Variants in MYH1 observed in about 807,000 individuals in gnomAD.
MYH1 encodes myosin heavy chain 1.
A neutral mutation model predicts 225.6 loss-of-function variants in MYH1; 214 were observed. That is an observed-to-expected ratio of 0.95 (90% CI 0.85 to 1.06). The LOEUF (loss-of-function observed/expected upper bound fraction) is 1.06. Ranked by LOEUF, MYH1 falls within the 50% of genes least tolerant of loss-of-function variation. MYH1 has a pLI of 0.00. For missense variants in MYH1, 2,098 were observed against 2,344.2 expected, an observed-to-expected ratio of 0.89 and a Z score of 2.17; for synonymous variants, 774 against 842.3, an observed-to-expected ratio of 0.92 and a Z score of 1.40.
intron 5 of MYH1, 58 bp downstream of exon 5, chr17:10,515,868 A>T: frequency 6.2e-7 from 1 of 1,612,296 alleles, no homozygotes. Flanking sequence ...TTTAGTTCTA[A>T]TATTTTGTGA....
In MYH1 at chr17:10,505,594, A is replaced by C; in HGVS notation, c.2175-83T>G. ...GTCTGGCTATAGAAACAACATAGCCACTGGGTAATCTGAAATAAACAAGAA... is the reference window on the plus strand; with the variant it reads ...GTCTGGCTATAGAAACAACATAGCCCCTGGGTAATCTGAAATAAACAAGAA... On this transcript the variant is annotated intron_variant, in intron 19 of 39. Coordinates refer to ENST00000226207, the MANE Select transcript of MYH1 (RefSeq NM_005963.4). 2.0e-6 allele frequency: 3 copies of C among 1,516,976 alleles called. No homozygotes were observed. In the South Asian group the frequency reaches 3.7e-5, roughly 19 times the overall value. The allele number at this position is 1,516,976 out of a possible 1,614,324, so 94.0% of individuals were successfully genotyped here.
At chr17:10,500,776 G>T (rs199688013) in intron 27 of MYH1, 24 bp from the exon 28 acceptor site, 4 of 1,613,854 alleles carry the variant, frequency 2.5e-6, no homozygotes, top group African/African-American at 1.3e-5. Flanking sequence ...GTGGTAGAAG[G>T]CATCTCAAGT....
At chr17:10,508,330 A>G (rs371567678) in intron 16 of MYH1, 33 bp downstream of exon 16, 239 of 1,556,996 alleles carry the variant, frequency 1.5e-4, no homozygotes, top group Non-Finnish European at 2.0e-4. Flanking sequence ...TGTTTTATAC[A>G]TTAGGTAAAA....
chr17:10,516,599 G>C lies in MYH1; in HGVS notation c.44C>G (p.Pro15Arg). Residue 15 changes from proline (P) to arginine (R), a missense_variant, in exon 3 of 40, where the codon CCT (proline) becomes CGT (arginine). By Grantham distance (103) the Pro-to-Arg change is moderately radical. Transcript: ENST00000226207. ...SEMAIFGEAAPFLRKSERERI... is the reference protein window; with the variant it reads ...SEMAIFGEAARFLRKSERERI... ...CTCCCTTTCAGACTTTCGGAGGAAAGGAGCAGCCTCCCCAAAAATGGCCAT... is the reference window on the plus strand; with the variant it reads ...CTCCCTTTCAGACTTTCGGAGGAAACGAGCAGCCTCCCCAAAAATGGCCAT... 6.2e-7 allele frequency: 1 copy of C among 1,614,186 alleles called. No homozygotes were observed. The highest frequency in any genetic ancestry group is 8.5e-7 in the Non-Finnish European group (1 of 1,180,042).
intron 5 of MYH1, among the ~76,000 whole-genome samples, 177 bp downstream of exon 5, chr17:10,515,748 AG>A (rs1232149275): frequency 6.6e-6 from 1 of 152,228 alleles, no homozygotes; most frequent in African/African-American, 2.4e-5. Flanking sequence ...AGGTGTAATC[AG>A]GAGAGCTGTG....
rs781626647 is a variant in MYH1 at position 10,506,043 on chromosome 17, C to T, written c.2025G>A (p.Arg675=). ...NLRSTHPHFV[R]CIIPNETKTP... is the part of the protein sequence containing the mutation. ...TTTTAGTTTCATTGGGGATGATGCACCGCACAAAGTGGGGGTGAGTGCTCC... is the reference window on the plus strand; with the variant it reads ...TTTTAGTTTCATTGGGGATGATGCATCGCACAAAGTGGGGGTGAGTGCTCC... Residue 675 remains arginine, a synonymous_variant, in exon 18 of 40, where the codon CGG becomes CGA. Coordinates refer to ENST00000226207, the MANE Select transcript of MYH1 (RefSeq NM_005963.4). 6 of 1,614,090 alleles carry T rather than the reference C, an allele frequency of 3.7e-6. No individual in the cohort carries two copies. In the African/African-American group the frequency reaches 4.0e-5, roughly 11 times the overall value.
intron 22 of MYH1, among the ~76,000 whole-genome samples, chr17:10,503,896 T>C (rs1003633513): frequency 1.3e-5 from 2 of 152,216 alleles, no homozygotes; most frequent in Non-Finnish European, 2.9e-5. Context: ...CTTGGATAGA[T>C]TATCTCCTGT....
Position 10,513,999 on chromosome 17 carries a change from A to G in MYH1, c.648+11T>C, listed in dbSNP as rs779223067. 4.3e-6 allele frequency: 7 copies of G among 1,613,760 alleles called. No individual in the cohort carries two copies. The South Asian group carries it at 5.5e-5, about 13-fold the overall frequency. On this transcript the variant is annotated intron_variant, in intron 7 of 39. Coordinates refer to ENST00000226207, the MANE Select transcript of MYH1 (RefSeq NM_005963.4). ...GACAGAGCCTGGATTCTGACTAACA[A>G]TCAGACTCACCTGCATTTTGCCAGA... is the stretch of plus-strand genomic sequence containing the variant.
intron 2 of MYH1, among the ~76,000 whole-genome samples, chr17:10,517,767 A>G (rs9892643): frequency 0.031 from 4,688 of 152,222 alleles, 240 homozygotes; most frequent in African/African-American, 0.1. Flanking sequence ...ATTGTGAAAC[A>G]ACATGCAGTT....
chr17:10,510,904 T>G (rs1480501637), intron 14 of MYH1, among the ~76,000 whole-genome samples: 1 of 151,634 alleles, frequency 6.6e-6, no homozygotes, highest in Non-Finnish European at 1.5e-5. Flanking sequence ...TTTAAATAGG[T>G]GAATTGTATG....
intron 7 of MYH1, 45 bp from the exon 8 acceptor site, chr17:10,513,958 C>G (rs1445403979): frequency 6.2e-7 from 1 of 1,613,824 alleles, no homozygotes; most frequent in Non-Finnish European, 8.5e-7. Flanking sequence ...TTGGGAATTT[C>G]CTACCTGAGA....
At chr17:10,498,562 G>C in intron 30 of MYH1, 64 bp downstream of exon 30, 1 of 1,604,408 alleles carries the variant, frequency 6.2e-7, no homozygotes, top group Non-Finnish European at 8.5e-7. Context: ...TTTTTCCCTA[G>C]TTTTTCATAT....
chr17:10,517,482 G>A (rs751481536), intron 2 of MYH1, among the ~76,000 whole-genome samples: 2 of 151,996 alleles, frequency 1.3e-5, no homozygotes, highest in Non-Finnish European at 2.9e-5. Flanking sequence ...CACAAAACTT[G>A]TTCTTTTCAG....
chr17:10,508,388 A>C lies in MYH1; in HGVS notation c.1872T>G (p.Phe624Leu), dbSNP rs1179262883. 2 of 1,607,284 alleles carry C rather than the reference A, an allele frequency of 1.2e-6. No individual in the cohort carries two copies. Among genetic ancestry groups the C allele is most frequent in the African/African-American group, 2.7e-5 (2 of 74,640 alleles). Residue 624 changes from phenylalanine to leucine, a missense_variant, in exon 16 of 40, where the codon TTT becomes TTG. Phe to Leu is a conservative substitution (Grantham distance 22). Transcript: ENST00000226207. ...CTGCTTCCGCTCCCGTTGCCCCAAC[A>C]AAGAGGAGAGCCAGAGTCTTCATTG... ...KSAMKTLALL[F>L]VGATGAEAEA...
Position 10,498,745 on chromosome 17 carries a change from C to T in MYH1, c.4062G>A (p.Glu1354=), listed in dbSNP as rs141057816. The change falls in exon 30 of 40, where the codon GAG becomes GAA. Residue 1354 remains glutamate (E), a synonymous_variant. Transcript: ENST00000226207. Reference sequence around the variant, plus strand: ...TCTGTAGCTCGGCCTTGGCTTCCTGCTCCTCCTCATACTGTTCCCGCAGCA... The same window carrying T: ...TCTGTAGCTCGGCCTTGGCTTCCTGTTCCTCCTCATACTGTTCCCGCAGCA... ...CDLLREQYEE[E]QEAKAELQRA... is the part of the protein sequence containing the mutation. The T allele has an allele frequency of 6.2e-6, 10 of 1,614,084 alleles. No individual in the cohort carries two copies. In the African/African-American group the frequency reaches 1.1e-4, roughly 17 times the overall value.
Position 10,497,901 on chromosome 17 carries a change from G to A in MYH1, c.4198C>T (p.Arg1400Cys), listed in dbSNP as rs367994781. Reference protein sequence around the residue: ...LEEAKKKLAQRLQDAEEHVEA... With the variant: ...LEEAKKKLAQCLQDAEEHVEA... ...ACATGTTCCTCAGCATCCTGCAGAC[G>A]CTGAGCCAGCTTCTTCCTATGAAAT... is the stretch of plus-strand genomic sequence containing the variant. The change falls in exon 31 of 40, where the codon CGT becomes TGT. Residue 1400 changes from arginine to cysteine, a missense_variant. Transcript: ENST00000226207. The A allele has an allele frequency of 1.3e-4, 206 of 1,598,450 alleles. No homozygotes were observed. Among genetic ancestry groups the A allele is most frequent in the Admixed American group, 1.6e-4 (9 of 54,586 alleles).
intron 14 of MYH1, 71 bp downstream of exon 14, chr17:10,511,768 C>T: frequency 1.2e-6 from 2 of 1,609,026 alleles, no homozygotes; most frequent in Non-Finnish European, 8.5e-7. Context: ...TGACTACAGG[C>T]ATGCTATATG....
At chr17:10,506,542 G>C (rs2073114332) in intron 17 of MYH1, among the ~76,000 whole-genome samples, 1 of 151,294 alleles carries the variant, frequency 6.6e-6, no homozygotes, top group Non-Finnish European at 1.5e-5. Context: ...GCCCAGGCTG[G>C]AGTACAGTGG....
intron 22 of MYH1, among the ~76,000 whole-genome samples, chr17:10,504,508 A>G (rs2073089690): frequency 6.6e-6 from 1 of 152,096 alleles, no homozygotes; most frequent in South Asian, 2.1e-4. Context: ...TCTTATTTGC[A>G]TTTTTCAGTA....
Sources: gnomAD v4.1 joint callset for allele counts (sites outside exome capture counted in the v4.1 genomes callset) on GRCh38, gnomAD v4.1.1 for gene constraint, MANE v1.5 for transcripts, NCBI Gene and HGNC (gene_info 2026-07-23, HGNC 2026-07-21) for gene names.